The following OCSTAMP variants were observed in gnomAD, a reference collection of about 807,000 sequenced individuals.
The protein encoded by OCSTAMP is transmembrane protein C20orf123.
Under a neutral mutation model 25.2 loss-of-function variants are expected in OCSTAMP, and 17 were observed. The ratio of observed to expected loss-of-function variants is 0.68; its 90% confidence interval spans 0.46 to 1.01. OCSTAMP has a LOEUF of 1.01. OCSTAMP is among the 50% of genes least tolerant of loss of function. The pLI, the probability that OCSTAMP is intolerant of heterozygous loss-of-function variation, is 0.00. For synonymous variants in OCSTAMP, 345 were observed against 318.9 expected (o/e 1.08, Z -0.87); for missense variants, 664 against 694.6 (o/e 0.96, Z 0.50).
At chr20:46,548,499 G>A (rs1308663893) in intron 1 of OCSTAMP, among the ~76,000 whole-genome samples, 2 of 152,200 alleles carry the variant, frequency 1.3e-5, no homozygotes, top group African/African-American at 4.8e-5. Context: ...AGATGCTGGC[G>A]GAGGTGATGG....
In OCSTAMP at chr20:46,545,566, C is replaced by T. The variant is rs1568897841; in HGVS notation, c.808G>A (p.Ala270Thr). Residue 270 changes from alanine (A) to threonine (T), a missense_variant, in exon 2 of 3, where the codon GCC (alanine) becomes ACC (threonine). By Grantham distance (58) the Ala-to-Thr change is moderately conservative. Coordinates refer to ENST00000279028, the MANE Select transcript of OCSTAMP (RefSeq NM_080721.3). ...GGGGCCAGGAGGTGTGTAGCCTGGG[C>T]CTGTGCCAACCGCTGGGTCAGCTGT... ...TQQLTQRLAQ[A>T]QATHLLAPPP... is the part of the protein sequence containing the mutation. 1 of 1,551,622 alleles carries T rather than the reference C, an allele frequency of 6.4e-7. No homozygotes were observed. The highest frequency in any genetic ancestry group is 8.7e-7 in the Non-Finnish European group (1 of 1,146,956).
rs117314303 is a variant in OCSTAMP at position 46,542,079 on chromosome 20, C to T, written c.1048-152G>A. On this transcript the variant is annotated intron_variant, in intron 2 of 2. Transcript: ENST00000279028. ...AGGGTTTGAGGAGGACCCAATGAGA[C>T]TAGGAGTCTGAAACAGGTTCTTTTG... Among the ~76,000 whole-genome samples the T allele has an allele frequency of 5.2e-3, 793 of 152,298 alleles. 18 individuals carry two copies. The East Asian group carries it at 0.078, about 15-fold the overall frequency.
chr20:46,546,477 A>G, intron 1 of OCSTAMP, 148 bp from the exon 2 acceptor site: 1 of 668,452 alleles, frequency 1.5e-6, no homozygotes, highest in Non-Finnish European at 2.5e-6. Flanking sequence ...AGAGTAAGTC[A>G]CTGTATACCC....
chr20:46,549,643 C>T (rs888134440), intron 1 of OCSTAMP, among the ~76,000 whole-genome samples: 2 of 152,006 alleles, frequency 1.3e-5, no homozygotes, highest in Admixed American at 6.6e-5. Context: ...GAAGGAACAG[C>T]GTGTGCAAAG....
chr20:46,548,865 G>A (rs1236710119), intron 1 of OCSTAMP, among the ~76,000 whole-genome samples: 1 of 152,118 alleles, frequency 6.6e-6, no homozygotes, highest in Non-Finnish European at 1.5e-5. Flanking sequence ...TGGACCAATA[G>A]AGCTTTCCTC....
At chr20:46,542,727 T>C (rs904662856) in intron 2 of OCSTAMP, among the ~76,000 whole-genome samples, 2 of 152,022 alleles carry the variant, frequency 1.3e-5, no homozygotes, top group East Asian at 3.9e-4. Context: ...GGAAGAATGG[T>C]ATCTAGAGAG....
chr20:46,550,598 T>C lies in OCSTAMP; in HGVS notation c.-38A>G. 6.5e-7 allele frequency: 1 copy of C among 1,546,764 alleles called. No individual in the cohort carries two copies. The highest frequency in any genetic ancestry group is 2.4e-5 in the East Asian group (1 of 40,874). Reference sequence around the variant, plus strand: ...GCAGTGGTTTCAGGCGGGCGGTCGCTGGCAGCTGTGGCAGGTGGAGAGGAA... The same window carrying C: ...GCAGTGGTTTCAGGCGGGCGGTCGCCGGCAGCTGTGGCAGGTGGAGAGGAA... On this transcript the variant is annotated 5_prime_UTR_variant, in exon 1 of 3. Transcript: ENST00000279028.
chr20:46,550,463 T>G, intron 1 of OCSTAMP, 54 bp downstream of exon 1: 1 of 1,497,252 alleles, frequency 6.7e-7, no homozygotes, highest in South Asian at 1.2e-5. Context: ...TCACCCCCAA[T>G]GGCTGACTGT....
rs1414494480 is a variant in OCSTAMP at position 46,541,943 on chromosome 20, A to C, written c.1048-16T>G. The C allele has an allele frequency of 2.8e-6, 4 of 1,418,152 alleles. No individual in the cohort carries two copies. The highest frequency in any genetic ancestry group is 3.3e-5 in the Admixed American group (1 of 30,596). 87.8% of individuals were successfully genotyped at this position (1,418,152 alleles called of 1,614,324 possible). ...TGTATGCCACCTTGGGAAAGGAGAA[A>C]AAGGCAGGGTCAACTGAGGGCCTCT... On this transcript the variant is annotated splice_polypyrimidine_tract_variant and intron_variant, in intron 2 of 2. Coordinates refer to ENST00000279028, the MANE Select transcript of OCSTAMP (RefSeq NM_080721.3).
chr20:46,546,184 C>T lies in OCSTAMP; in HGVS notation c.190G>A (p.Gly64Ser). 3.2e-6 allele frequency: 5 copies of T among 1,551,826 alleles called. No homozygotes were observed. Among genetic ancestry groups the T allele is most frequent in the Non-Finnish European group, 4.4e-6 (5 of 1,147,024 alleles). ...LCASLAAAAA[G>S]LVYHWLASLL... ...GATGCCAGCCAGTGATAAACCAGAC[C>T]TGCAGCAGCAGCAGCCAGGGAGGCA... Residue 64 changes from glycine (G) to serine (S), a missense_variant, in exon 2 of 3, where the codon GGT becomes AGT. Coordinates refer to ENST00000279028, the MANE Select transcript of OCSTAMP (RefSeq NM_080721.3).
chr20:46,542,818 A>G (rs2061838654), intron 2 of OCSTAMP, among the ~76,000 whole-genome samples: 2 of 152,180 alleles, frequency 1.3e-5, no homozygotes, highest in South Asian at 4.1e-4. Context: ...GCAGAAGGAT[A>G]GCTTGCCACA....
At position 46,546,140 on chromosome 20, in the gene OCSTAMP, A is replaced by G. The variant is rs1015957533; in HGVS notation, c.234T>C (p.Pro78=). 7.7e-6 allele frequency: 12 copies of G among 1,551,642 alleles called. No individual in the cohort carries two copies. The African/African-American group carries it at 1.5e-4, about 19-fold the overall frequency. Residue 78 remains proline (P), a synonymous_variant, in exon 2 of 3, where the codon CCT becomes CCC. Transcript: ENST00000279028. ...HWLASLLLYP[P]GPSAMVATVC... ...CAGTGGCAACCATGGCTGAAGGTCC[A>G]GGAGGATAAAGCAGCAAGGATGCCA... is the stretch of plus-strand genomic sequence containing the variant.
chr20:46,547,777 G>T (rs2061857493), intron 1 of OCSTAMP, among the ~76,000 whole-genome samples: 1 of 152,226 alleles, frequency 6.6e-6, no homozygotes, highest in African/African-American at 2.4e-5. Flanking sequence ...CACTAAAACA[G>T]CAGGGAGATG....
chr20:46,548,867 G>A (rs958454416), intron 1 of OCSTAMP, among the ~76,000 whole-genome samples: 2 of 152,148 alleles, frequency 1.3e-5, no homozygotes, highest in African/African-American at 4.8e-5. Flanking sequence ...GACCAATAGA[G>A]CTTTCCTCAG....
At position 46,543,305 on chromosome 20, in the gene OCSTAMP, C is replaced by CCTTTCTTTCTTTCTTTCTTT. The variant is rs3972347; in HGVS notation, c.1048-1398_1048-1379dup. 5.7e-3 allele frequency among the ~76,000 whole-genome samples: 733 copies of CCTTTCTTTCTTTCTTTCTTT among 128,380 alleles called. 13 individuals carry two copies. The highest frequency in any genetic ancestry group is 0.02 in the African/African-American group (662 of 32,976). The allele number at this position is 128,380 out of a possible 152,430, so 84.2% of individuals were successfully genotyped here. A position where few individuals can be genotyped will look rare whatever the true frequency, so the allele number is the denominator to read the frequency against. ...TCTCTTTCTTTCTCTCTTTCTCTTTCCTTTCTTTCTTTCTTTCTTTCTTTC... is the reference window on the plus strand; with the variant it reads ...TCTCTTTCTTTCTCTCTTTCTCTTTCCTTTCTTTCTTTCTTTCTTTCTTTCTTTCTTTCTTTCTTTCTTTC... On this transcript the variant is annotated intron_variant, in intron 2 of 2. Transcript: ENST00000279028.
rs767944918 is a variant in OCSTAMP at position 46,545,642 on chromosome 20, G to T, written c.732C>A (p.Tyr244Ter). ...MLGLLVESAW[Y>*]LHCYLTDLRF... ...GCAGGTCTGTCAGGTAGCAATGGAG[G>T]TACCATGCCGACTCCACCAGGAGGC... Residue 244 changes from tyrosine to a stop codon, truncating the protein, a stop_gained, in exon 2 of 3, where the codon TAC (tyrosine) becomes TAA (stop). Coordinates refer to ENST00000279028, the MANE Select transcript of OCSTAMP (RefSeq NM_080721.3). LOFTEE classifies it high-confidence loss of function. 6.4e-7 allele frequency: 1 copy of T among 1,551,696 alleles called. No individual in the cohort carries two copies. The highest frequency in any genetic ancestry group is 8.7e-7 in the Non-Finnish European group (1 of 1,146,994).
At position 46,545,718 on chromosome 20, in the gene OCSTAMP, C is replaced by CG. The variant is rs1568897973; in HGVS notation, c.655dup (p.Arg219ProfsTer37). On this transcript the variant is annotated frameshift_variant, in exon 2 of 3. Transcript: ENST00000279028. LOFTEE classifies it high-confidence loss of function. The stretch of plus-strand genomic sequence containing the variant: ...TCGCTGGGTCCCTAGCGCTGCTGCC[C>CG]GGGCCAGGGACTCCAGGCCAGAGAA... 6.4e-7 allele frequency: 1 copy of CG among 1,551,602 alleles called. No homozygotes were observed. The highest frequency in any genetic ancestry group is 2.0e-5 in the Admixed American group (1 of 50,994).
At chr20:46,542,068 A>C (rs898652409) in intron 2 of OCSTAMP, 141 bp from the exon 3 acceptor site, 1 of 1,225,670 alleles carries the variant, frequency 8.2e-7, no homozygotes, top group African/African-American at 1.6e-5. Context: ...TTTGAGGAGG[A>C]CCCAATGAGA....
In OCSTAMP at chr20:46,541,238, A is replaced by C. The variant is rs2061832607; in HGVS notation, c.*36T>G. On this transcript the variant is annotated 3_prime_UTR_variant, in exon 3 of 3. Coordinates refer to ENST00000279028, the MANE Select transcript of OCSTAMP (RefSeq NM_080721.3). ...TGGAGGAACCATGAGCTCTCTCTGC[A>C]CTCCTTGTCTTCGCCTTTGCATGGT... 1.4e-6 allele frequency: 1 copy of C among 704,342 alleles called. No homozygotes were observed. The highest frequency in any genetic ancestry group is 2.7e-6 in the Non-Finnish European group (1 of 376,640). The allele number at this position is 704,342 out of a possible 1,614,324, so 43.6% of individuals were successfully genotyped here.
Sources: allele counts gnomAD v4.1 joint callset (sites outside exome capture counted in the v4.1 genomes callset), GRCh38; gene constraint gnomAD v4.1.1; transcripts MANE v1.5; gene names NCBI Gene and HGNC (gene_info 2026-07-23, HGNC 2026-07-21).